Variants in PALM2AKAP2 observed in about 807,000 individuals in gnomAD.
PALM2AKAP2 encodes the protein PALM2-AKAP2 fusion protein.
In PALM2AKAP2, 37 loss-of-function variants were observed where a neutral mutation model predicts 71.5. The observed-to-expected ratio is 0.52, with a 90% CI of 0.40 to 0.68. The LOEUF (loss-of-function observed/expected upper bound fraction) is 0.68, where lower values mean the gene tolerates loss of function less well. Ranked by LOEUF, PALM2AKAP2 falls within the 30% of genes least tolerant of loss-of-function variation. The pLI, the probability that PALM2AKAP2 is intolerant of heterozygous loss-of-function variation, is 0.00. For synonymous variants in PALM2AKAP2, 468 were observed against 478.8 expected, an observed-to-expected ratio of 0.98 and a Z score of 0.29; for missense variants, 1,224 against 1,191.8, an observed-to-expected ratio of 1.03 and a Z score of -0.40.
At chr9:109,965,267 G>A (rs62580184) in intron 6 of PALM2AKAP2, among the ~76,000 whole-genome samples, 129 of 152,234 alleles carry the variant, frequency 8.5e-4, no homozygotes, top group Non-Finnish European at 1.6e-3. Flanking sequence ...GCAAGGACTC[G>A]AACAGATATT....
intron 1 of PALM2AKAP2, among the ~76,000 whole-genome samples, chr9:109,724,141 T>C (rs900576388): frequency 6.6e-6 from 1 of 151,984 alleles, no homozygotes; most frequent in Non-Finnish European, 1.5e-5. Context: ...AATAATAAAA[T>C]AAATAGCAAT....
At chr9:110,136,831 G>C (rs776437871) in exon 2 of PALM2AKAP2, 8 of 1,614,184 alleles carry the variant, frequency 5.0e-6, no homozygotes, top group Non-Finnish European at 6.8e-6. Context: ...AGGATGACGA[G>C]CATGAGAAAG....
chr9:109,832,952 C>A (rs547310126), intron 1 of PALM2AKAP2, among the ~76,000 whole-genome samples: 41 of 152,292 alleles, frequency 2.7e-4, no homozygotes, highest in Admixed American at 2.4e-3. Context: ...CTCCTTTCGT[C>A]CCTGCAGCAC....
intron 3 of PALM2AKAP2, 105 bp from the exon 11 acceptor site, chr9:110,168,294 C>T (rs1353583282): frequency 5.8e-6 from 8 of 1,384,124 alleles, no homozygotes; most frequent in South Asian, 2.8e-5. Flanking sequence ...ATCACTTTCT[C>T]CTCTCAAGTT....
chr9:109,779,229 T>G (rs765670360), upstream of PALM2AKAP2, among the ~76,000 whole-genome samples: 2 of 152,216 alleles, frequency 1.3e-5, no homozygotes, highest in Non-Finnish European at 2.9e-5. Flanking sequence ...TTTTTTTTGC[T>G]TTTGGCATTG....
chr9:110,110,339 C>T (rs1294192443), intron 1 of PALM2AKAP2, among the ~76,000 whole-genome samples: 1 of 151,940 alleles, frequency 6.6e-6, no homozygotes, highest in Admixed American at 6.6e-5. Context: ...GTTTCAGATC[C>T]CCAGAAAAAG....
At chr9:109,676,355 G>A (rs963287000) in intron 1 of PALM2AKAP2, among the ~76,000 whole-genome samples, 5 of 152,170 alleles carry the variant, frequency 3.3e-5, no homozygotes, top group Non-Finnish European at 5.9e-5. Context: ...AGTCCAGGAC[G>A]AGGAAAAGAG....
At chr9:109,936,677 A>T (rs1831225818) in intron 6 of PALM2AKAP2, among the ~76,000 whole-genome samples, 1 of 152,154 alleles carries the variant, frequency 6.6e-6, no homozygotes, top group African/African-American at 2.4e-5. Context: ...CGCATCACTG[A>T]CTCGTGAACC....
intron 1 of PALM2AKAP2, among the ~76,000 whole-genome samples, chr9:109,847,453 T>C (rs1373506807): frequency 6.6e-6 from 1 of 152,174 alleles, no homozygotes; most frequent in African/African-American, 2.4e-5. Flanking sequence ...TAAATATCTG[T>C]TGTTTTCGAT....
chr9:110,145,710 C>T (rs1455745706), intron 2 of PALM2AKAP2, among the ~76,000 whole-genome samples: 1 of 151,426 alleles, frequency 6.6e-6, no homozygotes, highest in Admixed American at 6.6e-5. Flanking sequence ...AAAATGCATG[C>T]CATTTGGAAA....
At chr9:110,054,179 C>A (rs1833780356) in intron 1 of PALM2AKAP2, among the ~76,000 whole-genome samples, 1 of 152,216 alleles carries the variant, frequency 6.6e-6, no homozygotes, top group Non-Finnish European at 1.5e-5. Context: ...GTGGGTGAAT[C>A]ACCTGAGGTC....
chr9:110,059,802 G>C (rs78049555), intron 1 of PALM2AKAP2, among the ~76,000 whole-genome samples: 6,128 of 152,260 alleles, frequency 0.04, 152 homozygotes, highest in Middle Eastern at 0.061. Flanking sequence ...TAGAAAAATA[G>C]GGAGCTATGG....
intron 2 of PALM2AKAP2, among the ~76,000 whole-genome samples, chr9:109,876,263 G>T (rs773358529): frequency 1.3e-5 from 2 of 152,158 alleles, no homozygotes; most frequent in Non-Finnish European, 2.9e-5. Context: ...GGTGCACTCA[G>T]TATACACCAT....
chr9:110,117,973 T>TTTTGTG (rs1835402245), intron 1 of PALM2AKAP2, among the ~76,000 whole-genome samples: 1 of 138,560 alleles, frequency 7.2e-6, no homozygotes, highest in African/African-American at 2.7e-5. Context: ...ATATGTCGTT[T>TTTTGTG]TGTGTGTGTG....
chr9:110,136,394 A>T lies in PALM2AKAP2; in HGVS notation c.424A>T (p.Ile142Phe), dbSNP rs567485748. The change falls in exon 2 of 4, where the codon ATC becomes TTC. Residue 142 changes from isoleucine to phenylalanine, a missense_variant. Transcript: ENST00000374525. The stretch of plus-strand genomic sequence containing the variant: ...CCTGGATAATGATGTTGCCAGAGAG[A>T]TCCGCTATCTAGATGAGGTGCTAGA... The T allele has an allele frequency of 1.4e-5, 22 of 1,614,156 alleles. No individual in the cohort carries two copies. The African/African-American group carries it at 2.8e-4, about 21-fold the overall frequency.
At chr9:109,922,712 C>G (rs1202413622) in intron 3 of PALM2AKAP2, among the ~76,000 whole-genome samples, 1 of 152,096 alleles carries the variant, frequency 6.6e-6, no homozygotes. Flanking sequence ...CCTACTCTGC[C>G]AATATATGTA....
intron 1 of PALM2AKAP2, among the ~76,000 whole-genome samples, chr9:109,754,888 G>A (rs1251671810): frequency 6.6e-6 from 1 of 152,096 alleles, no homozygotes; most frequent in Admixed American, 6.6e-5. Context: ...ACAACATTCA[G>A]GCCATAGCAC....
chr9:110,158,396 C>T (rs187199321), intron 3 of PALM2AKAP2, among the ~76,000 whole-genome samples: 46 of 152,274 alleles, frequency 3.0e-4, no homozygotes, highest in African/African-American at 8.9e-4. Flanking sequence ...GTGACCCACG[C>T]GAGTGTTTGC....
intron 1 of PALM2AKAP2, among the ~76,000 whole-genome samples, chr9:109,773,379 C>T (rs1270242507): frequency 2.0e-5 from 3 of 152,138 alleles, no homozygotes; most frequent in African/African-American, 7.2e-5. Context: ...TCAAGCTATC[C>T]TCCCACTTCA....
Sources: gnomAD v4.1 joint callset for allele counts (sites outside exome capture counted in the v4.1 genomes callset) on GRCh38, gnomAD v4.1.1 for gene constraint, MANE v1.5 for transcripts, NCBI Gene and HGNC (gene_info 2026-07-23, HGNC 2026-07-21) for gene names.